Variants in CNTN6 observed in about 807,000 individuals in gnomAD.
CNTN6 encodes the protein contactin 6.
CNTN6 carries 137 observed loss-of-function variants against 122.8 expected under a neutral mutation model. That is an observed-to-expected ratio of 1.12 (90% CI 0.97 to 1.29). The LOEUF (loss-of-function observed/expected upper bound fraction) is 1.29, where lower values mean the gene tolerates loss of function less well. CNTN6 is among the 50% of genes most tolerant of loss of function. The pLI is 0.00. For synonymous variants in CNTN6, 570 were observed against 426.0 expected (o/e 1.34, Z -4.16); for missense variants, 1,634 against 1,223.4 (o/e 1.34, Z -5.01).
intron 5 of CNTN6, among the ~76,000 whole-genome samples, chr3:1,294,666 C>G (rs542143101): frequency 1.3e-5 from 2 of 152,280 alleles, no homozygotes; most frequent in Middle Eastern, 3.4e-3. Flanking sequence ...TGTTTATGCT[C>G]TTGATAGTTA....
intron 4 of CNTN6, among the ~76,000 whole-genome samples, chr3:1,276,412 T>G (rs1290567012): frequency 6.6e-6 from 1 of 152,216 alleles, no homozygotes; most frequent in Non-Finnish European, 1.5e-5. Context: ...CCAGGTATGA[T>G]TCAACGATGT....
At chr3:1,169,956 C>T (rs1484232056) in intron 2 of CNTN6, among the ~76,000 whole-genome samples, 4 of 152,098 alleles carry the variant, frequency 2.6e-5, no homozygotes, top group Middle Eastern at 3.4e-3. Context: ...ATACTTTCGC[C>T]GGTTGCGGTG....
chr3:1,322,034 A>G (rs537732625), intron 8 of CNTN6, among the ~76,000 whole-genome samples, 200 bp downstream of exon 8: 2 of 151,714 alleles, frequency 1.3e-5, no homozygotes, highest in African/African-American at 2.4e-5. Context: ...AGCATGGTCT[A>G]TGAATGCTAT....
chr3:1,160,361 T>TATATAC (rs1264696315), intron 2 of CNTN6, among the ~76,000 whole-genome samples: 8 of 145,322 alleles, frequency 5.5e-5, no homozygotes, highest in Non-Finnish European at 1.2e-4. Flanking sequence ...TATATATATA[T>TATATAC]ATATATACAC....
At chr3:1,193,211 C>T (rs183246687) in intron 2 of CNTN6, among the ~76,000 whole-genome samples, 8 of 152,212 alleles carry the variant, frequency 5.3e-5, no homozygotes, top group East Asian at 3.9e-4. Flanking sequence ...ATAACTTTTA[C>T]GTATTTAAAT....
At chr3:1,277,518 G>T (rs1238724650) in intron 4 of CNTN6, among the ~76,000 whole-genome samples, 1 of 151,612 alleles carries the variant, frequency 6.6e-6, no homozygotes, top group African/African-American at 2.4e-5. Context: ...GTGCCACCAT[G>T]CCTGGCTAAT....
intron 8 of CNTN6, among the ~76,000 whole-genome samples, chr3:1,322,728 G>T (rs1358401825): frequency 1.3e-5 from 2 of 151,390 alleles, no homozygotes; most frequent in Admixed American, 6.6e-5. Context: ...TGCCCGTGGG[G>T]AGAACATATT....
At chr3:1,133,774 A>T (rs372186709) in intron 1 of CNTN6, among the ~76,000 whole-genome samples, 1 of 152,128 alleles carries the variant, frequency 6.6e-6, no homozygotes, top group African/African-American at 2.4e-5. Context: ...AGGACTTCTG[A>T]TTACATCATG....
At chr3:1,096,728 T>C (rs2090546656) in intron 1 of CNTN6, among the ~76,000 whole-genome samples, 1 of 152,190 alleles carries the variant, frequency 6.6e-6, no homozygotes, top group Non-Finnish European at 1.5e-5. Flanking sequence ...TGTATCCTCC[T>C]GAAAGTAAGA....
intron 15 of CNTN6, 71 bp downstream of exon 15, chr3:1,373,833 T>G: frequency 2.0e-6 from 3 of 1,470,224 alleles, no homozygotes; most frequent in Non-Finnish European, 2.7e-6. Context: ...TAAATGCAAT[T>G]ACATTTTAAA....
chr3:1,327,068 T>C (rs1159673008), intron 9 of CNTN6, among the ~76,000 whole-genome samples: 1 of 151,882 alleles, frequency 6.6e-6, no homozygotes, highest in Non-Finnish European at 1.5e-5. Context: ...TTTGAAACTT[T>C]TGGAAAATGG....
At chr3:1,281,575 C>T (rs1274519078) in intron 5 of CNTN6, among the ~76,000 whole-genome samples, 2 of 151,958 alleles carry the variant, frequency 1.3e-5, no homozygotes. Flanking sequence ...AGGGATTCTC[C>T]TGCCTCAGCT....
intron 2 of CNTN6, among the ~76,000 whole-genome samples, chr3:1,189,622 C>G (rs2093673205): frequency 6.6e-6 from 1 of 152,036 alleles, no homozygotes; most frequent in African/African-American, 2.4e-5. Context: ...TTATATATAC[C>G]TTGACTGGTA....
At chr3:1,337,095 C>CTAA (rs1703184439) in intron 11 of CNTN6, among the ~76,000 whole-genome samples, 4 of 152,130 alleles carry the variant, frequency 2.6e-5, no homozygotes, top group Non-Finnish European at 5.9e-5. Context: ...TAGCATAATG[C>CTAA]CTGACACAGA....
At chr3:1,287,427 C>A (rs988021582) in intron 5 of CNTN6, among the ~76,000 whole-genome samples, 1 of 152,146 alleles carries the variant, frequency 6.6e-6, no homozygotes, top group Non-Finnish European at 1.5e-5. Flanking sequence ...CCATCTCTTA[C>A]ATTCACTGTA....
intron 4 of CNTN6, among the ~76,000 whole-genome samples, chr3:1,232,022 G>T (rs2094358493): frequency 6.6e-6 from 1 of 152,168 alleles, no homozygotes; most frequent in Non-Finnish European, 1.5e-5. Context: ...CTCTGTACTT[G>T]TGTGAGAGAA....
In CNTN6 at chr3:1,352,406, A is replaced by C. The variant is rs770053059; in HGVS notation, c.1447A>C (p.Asn483His). The C allele has an allele frequency of 6.2e-7, 1 of 1,609,298 alleles. No homozygotes were observed. The highest frequency in any genetic ancestry group is 8.5e-7 in the Non-Finnish European group (1 of 1,176,894). Reference sequence around the variant, plus strand: ...TGGATCATATACATGCATAGCCACAAATCAGTTTGGCACTGCAAAGAACAC... The same window carrying C: ...TGGATCATATACATGCATAGCCACACATCAGTTTGGCACTGCAAAGAACAC... ...DAGSYTCIAT[N>H]QFGTAKNTGS... The change falls in exon 12 of 23, where the codon AAT becomes CAT. Residue 483 changes from asparagine (N) to histidine (H), a missense_variant. Transcript: ENST00000446702.
intron 2 of CNTN6, among the ~76,000 whole-genome samples, chr3:1,158,685 A>T (rs910273944): frequency 6.7e-6 from 1 of 149,104 alleles, no homozygotes; most frequent in African/African-American, 2.5e-5. Context: ...CTATCTTCCC[A>T]CCTCCACCTC....
chr3:1,153,705 C>T (rs1338045162), intron 2 of CNTN6, among the ~76,000 whole-genome samples: 1 of 152,136 alleles, frequency 6.6e-6, no homozygotes, highest in Non-Finnish European at 1.5e-5. Context: ...TCAAACATAG[C>T]CTTTTATTGA....
Sources: gnomAD v4.1 joint callset for allele counts (sites outside exome capture counted in the v4.1 genomes callset) on GRCh38, gnomAD v4.1.1 for gene constraint, MANE v1.5 for transcripts, NCBI Gene and HGNC (gene_info 2026-07-23, HGNC 2026-07-21) for gene names.